Variants in PRPF31 observed in about 807,000 individuals in gnomAD.
The protein encoded by PRPF31 is U4/U6 small nuclear ribonucleoprotein Prp31.
In PRPF31, 12 loss-of-function variants were observed where a neutral mutation model predicts 60.4. The observed-to-expected ratio is 0.20, with a 90% CI of 0.13 to 0.32. The LOEUF (loss-of-function observed/expected upper bound fraction) is 0.32, where lower values mean the gene tolerates loss of function less well. PRPF31 is among the 10% of genes least tolerant of loss of function. PRPF31 has a pLI of 1.00. For synonymous variants in PRPF31, 287 were observed against 287.9 expected (o/e 1.00, Z 0.03); for missense variants, 431 against 687.1 (o/e 0.63, Z 4.17).
rs749626637 is a variant in PRPF31, at chr19:54,129,385, C to T, written c.1374+15C>T. ...CCCCACTCCAGGTACCTCCCCTGGGCCGGCTCTGTCCCCAGCCCTGAGACC... is the reference window on the plus strand; with the variant it reads ...CCCCACTCCAGGTACCTCCCCTGGGTCGGCTCTGTCCCCAGCCCTGAGACC... On this transcript the variant is annotated intron_variant, in intron 13 of 13. Coordinates refer to ENST00000321030, the MANE Select transcript of PRPF31 (RefSeq NM_015629.4). 1.9e-6 allele frequency: 3 copies of T among 1,576,272 alleles called. No homozygotes were observed. Among genetic ancestry groups the T allele is most frequent in the African/African-American group, 2.7e-5 (2 of 73,586 alleles).
chr19:54,125,802 C>T (rs138094371), intron 8 of PRPF31, among the ~76,000 whole-genome samples: 102 of 152,288 alleles, frequency 6.7e-4, no homozygotes, highest in Middle Eastern at 6.8e-3. Flanking sequence ...AGAGAGTGGG[C>T]GATAGAACCC....
In PRPF31 at chr19:54,128,157, C is replaced by T; in HGVS notation, c.1030C>T (p.Pro344Ser). Residue 344 changes from proline to serine, a missense_variant, in exon 10 of 14, where the codon CCT becomes TCT. Around this residue, in one of 4 missense-constraint regions of PRPF31, gnomAD observed 314 missense variants for 475.3 expected, o/e 0.66. Coordinates refer to ENST00000321030, the MANE Select transcript of PRPF31 (RefSeq NM_015629.4). ...GCCTGTGAAGCAGGTGAAGCCGCTG[C>T]CTGCGCCCCTGGATGGACAGCGGAA... is the stretch of plus-strand genomic sequence containing the variant. ...PPPVKQVKPL[P>S]APLDGQRKKR... 1 of 1,562,848 alleles carries T rather than the reference C, an allele frequency of 6.4e-7. No homozygotes were observed. Among genetic ancestry groups the T allele is most frequent in the African/African-American group, 1.3e-5 (1 of 74,540 alleles).
rs1239133275 is a variant in PRPF31, at chr19:54,131,597, C to G, written c.*165C>G. The G allele has an allele frequency of 2.8e-6, 3 of 1,078,818 alleles. No individual in the cohort carries two copies. The highest frequency in any genetic ancestry group is 4.1e-6 in the Non-Finnish European group (3 of 732,798). The allele number at this position is 1,078,818 out of a possible 1,614,324, so 66.8% of individuals were successfully genotyped here. ...TTGGAAGAGTCCGGCCTGGCCTCCCCCAGGACCGAGATCACCGCCCAGTAT... is the reference window on the plus strand; with the variant it reads ...TTGGAAGAGTCCGGCCTGGCCTCCCGCAGGACCGAGATCACCGCCCAGTAT... On this transcript the variant is annotated 3_prime_UTR_variant, in exon 14 of 14. Transcript: ENST00000321030.
chr19:54,122,472 C>T, intron 4 of PRPF31, 25 bp from the exon 5 acceptor site: 1 of 1,569,148 alleles, frequency 6.4e-7, no homozygotes, highest in Non-Finnish European at 8.8e-7. Flanking sequence ...TCTCACCCGA[C>T]AACCTCCTGT....
chr19:54,118,753 T>C lies in PRPF31; in HGVS notation c.238+120T>C, dbSNP rs2073714570. ...TCAGCCTTTTCCAGAGCCTTCTTTTTTTTTTGTTTCACCCCAACCCGTTCC... is the reference window on the plus strand; with the variant it reads ...TCAGCCTTTTCCAGAGCCTTCTTTTCTTTTTGTTTCACCCCAACCCGTTCC... On this transcript the variant is annotated intron_variant, in intron 3 of 13. Transcript: ENST00000321030. 6 of 1,001,266 alleles carry C rather than the reference T, an allele frequency of 6.0e-6. No homozygotes were observed. In the East Asian group the frequency reaches 1.5e-4, roughly 24 times the overall value. 62.0% of individuals were successfully genotyped at this position (1,001,266 alleles called of 1,614,324 possible).
rs1229974429 is a variant in PRPF31 at position 54,122,874 on chromosome 19, G to A, written c.420+280G>A. ...GTGGCATTGGAGTTGACATCCGAAGGTTGACACAGGGCAGGCACACGGAGA... is the reference window on the plus strand; with the variant it reads ...GTGGCATTGGAGTTGACATCCGAAGATTGACACAGGGCAGGCACACGGAGA... On this transcript the variant is annotated intron_variant, in intron 5 of 13. Coordinates refer to ENST00000321030, the MANE Select transcript of PRPF31 (RefSeq NM_015629.4). 6 of 572,310 alleles carry A rather than the reference G, an allele frequency of 1.0e-5. No homozygotes were observed. In the South Asian group the frequency reaches 1.2e-4, roughly 11 times the overall value. The allele number at this position is 572,310 out of a possible 1,614,324, so 35.5% of individuals were successfully genotyped here.
chr19:54,124,614 C>A lies in PRPF31; in HGVS notation c.813C>A (p.Thr271=). The change falls in exon 8 of 14, where the codon ACC becomes ACA. Residue 271 remains threonine, a synonymous_variant. Coordinates refer to ENST00000321030, the MANE Select transcript of PRPF31 (RefSeq NM_015629.4). ...CGTCTACCTCAGTGCTGCCCCACAC[C>A]GGCTACATCTACCACAGTGACATCG... ...GFSSTSVLPH[T]GYIYHSDIVQ... is the part of the protein sequence containing the mutation. 1 of 1,613,634 alleles carries A rather than the reference C, an allele frequency of 6.2e-7. No individual in the cohort carries two copies.
intron 2 of PRPF31, 56 bp downstream of exon 2, chr19:54,118,511 G>T (rs1213204337): frequency 2.6e-5 from 42 of 1,613,412 alleles, no homozygotes; most frequent in Non-Finnish European, 3.1e-5. Flanking sequence ...CTCCCAGAAG[G>T]GGGTGATACA....
intron 3 of PRPF31, 143 bp downstream of exon 3, chr19:54,118,776 T>C (rs2073715429): frequency 1.3e-6 from 1 of 746,014 alleles, no homozygotes; most frequent in Admixed American, 2.7e-5. Flanking sequence ...CCCAACCCGT[T>C]CCCTTTTCCA....
intron 8 of PRPF31, among the ~76,000 whole-genome samples, chr19:54,125,578 T>TA (rs1300277288): frequency 3.3e-5 from 5 of 151,826 alleles, no homozygotes; most frequent in African/African-American, 1.2e-4. Flanking sequence ...TGTGGCGAGT[T>TA]ACCTCAGGCT....
intron 1 of PRPF31, among the ~76,000 whole-genome samples, chr19:54,117,417 C>T (rs1256464420): frequency 6.6e-6 from 1 of 152,118 alleles, no homozygotes; most frequent in African/African-American, 2.4e-5. Context: ...TGTCTTGCTC[C>T]GAAGGCTGTC....
chr19:54,127,748 G>A (rs1277124471), intron 9 of PRPF31, among the ~76,000 whole-genome samples: 2 of 152,238 alleles, frequency 1.3e-5, no homozygotes, highest in South Asian at 2.1e-4. Flanking sequence ...CAGGTGTTCC[G>A]TGTCCCCTTC....
intron 3 of PRPF31, chr19:54,118,917 T>C: frequency 2.0e-6 from 1 of 503,772 alleles, no homozygotes; most frequent in East Asian, 3.1e-5. Context: ...TACAGGGTTT[T>C]TGCCACATCT....
rs2073714913 is a variant in PRPF31, at chr19:54,118,760, T to G, written c.238+127T>G. On this transcript the variant is annotated intron_variant, in intron 3 of 13. Transcript: ENST00000321030. ...TTTCCAGAGCCTTCTTTTTTTTTTG[T>G]TTCACCCCAACCCGTTCCCTTTTCC... is the stretch of plus-strand genomic sequence containing the variant. 6 of 888,076 alleles carry G rather than the reference T, an allele frequency of 6.8e-6. No homozygotes were observed. The South Asian group carries it at 7.4e-5, about 11-fold the overall frequency. The allele number at this position is 888,076 out of a possible 1,614,324, so 55.0% of individuals were successfully genotyped here.
At chr19:54,127,521 A>ATTC (rs58021009) in intron 9 of PRPF31, among the ~76,000 whole-genome samples, 8,707 of 152,062 alleles carry the variant, frequency 0.057, 835 homozygotes, top group African/African-American at 0.2. Flanking sequence ...TTGCCCTGTG[A>ATTC]TTCTGGGAAT....
intron 9 of PRPF31, among the ~76,000 whole-genome samples, chr19:54,127,855 G>T (rs1402840331): frequency 6.6e-6 from 1 of 152,228 alleles, no homozygotes; most frequent in African/African-American, 2.4e-5. Context: ...GGACATTCTT[G>T]TTGGGGCCGG....
At chr19:54,128,746 C>CA (rs1568599081) in intron 11 of PRPF31, among the ~76,000 whole-genome samples, 1 of 152,170 alleles carries the variant, frequency 6.6e-6, no homozygotes, top group East Asian at 1.9e-4. Flanking sequence ...GGACCGAACT[C>CA]AGAGGCCACC....
intron 9 of PRPF31, among the ~76,000 whole-genome samples, chr19:54,127,765 C>T (rs587713157): frequency 2.0e-5 from 3 of 152,316 alleles, no homozygotes; most frequent in African/African-American, 7.2e-5. Flanking sequence ...CTTCTCCTTT[C>T]CCTCTCCCCA....
chr19:54,129,877 A>G (rs1360377700), intron 13 of PRPF31, among the ~76,000 whole-genome samples: 1 of 152,012 alleles, frequency 6.6e-6, no homozygotes, highest in African/African-American at 2.4e-5. Context: ...CACGGAGGCG[A>G]GACAGCAGCG....
Sources: gnomAD v4.1 joint callset for allele counts (sites outside exome capture counted in the v4.1 genomes callset) on GRCh38, gnomAD v4.1.1 for gene constraint, gnomAD v4.1.1 regional missense constraint, MANE v1.5 for transcripts, NCBI Gene and HGNC (gene_info 2026-07-23, HGNC 2026-07-21) for gene names.